Variants in DAB1 observed in about 807,000 individuals in gnomAD.
DAB1 encodes the protein DAB adaptor protein 1.
DAB1 carries 15 observed loss-of-function variants against 64.6 expected under a neutral mutation model. The observed-to-expected ratio is 0.23, with a 90% CI of 0.16 to 0.36. DAB1 has a LOEUF of 0.36. DAB1 is among the 10% of genes least tolerant of loss of function. The pLI is 1.00. For synonymous variants in DAB1, 235 were observed against 251.9 expected, an observed-to-expected ratio of 0.93 and a Z score of 0.64; for missense variants, 596 against 706.7, an observed-to-expected ratio of 0.84 and a Z score of 1.78.
intron 3 of DAB1, among the ~76,000 whole-genome samples, chr1:58,377,811 G>A (rs1286057769): frequency 7.2e-6 from 1 of 139,488 alleles, no homozygotes; most frequent in East Asian, 2.0e-4. Context: ...TCACTTTCAG[G>A]TACACCAATC....
At chr1:57,081,505 T>C (rs1652555577) in intron 4 of DAB1, among the ~76,000 whole-genome samples, 2 of 152,242 alleles carry the variant, frequency 1.3e-5, no homozygotes, top group Non-Finnish European at 1.5e-5. Flanking sequence ...TCAAGCTTTA[T>C]GATGTCATCT....
At chr1:58,338,477 G>A (rs956444035) in intron 4 of DAB1, among the ~76,000 whole-genome samples, 6 of 152,124 alleles carry the variant, frequency 3.9e-5, no homozygotes, top group African/African-American at 1.4e-4. Flanking sequence ...AAAGGTTTTG[G>A]TTCCCTATTA....
At chr1:57,297,316 T>G (rs1479167261) in intron 1 of DAB1, among the ~76,000 whole-genome samples, 1 of 152,166 alleles carries the variant, frequency 6.6e-6, no homozygotes, top group Non-Finnish European at 1.5e-5. Flanking sequence ...TGAATATGAA[T>G]GGTAAGTTAG....
intron 2 of DAB1, among the ~76,000 whole-genome samples, chr1:57,191,268 C>T (rs1476245994): frequency 6.6e-6 from 1 of 152,152 alleles, no homozygotes; most frequent in Non-Finnish European, 1.5e-5. Flanking sequence ...GTTTCTTCCT[C>T]TGAGATATGG....
intron 4 of DAB1, among the ~76,000 whole-genome samples, chr1:58,162,853 A>G (rs547700058): frequency 6.6e-6 from 1 of 152,320 alleles, no homozygotes; most frequent in Admixed American, 6.5e-5. Context: ...AAGTATGTCT[A>G]TACCTAGACT....
chr1:57,976,898 C>G (rs1036766657), intron 5 of DAB1, among the ~76,000 whole-genome samples: 2 of 152,120 alleles, frequency 1.3e-5, no homozygotes, highest in Non-Finnish European at 2.9e-5. Context: ...TCTCCATTAC[C>G]ACTGCCACTG....
At chr1:57,532,461 C>A (rs567018424) in intron 7 of DAB1, among the ~76,000 whole-genome samples, 5 of 152,262 alleles carry the variant, frequency 3.3e-5, no homozygotes, top group African/African-American at 1.2e-4. Context: ...TTTGGTTTAT[C>A]TTTCCCATTT....
intron 9 of DAB1, among the ~76,000 whole-genome samples, chr1:57,048,288 T>C (rs1283085395): frequency 6.6e-6 from 1 of 152,222 alleles, no homozygotes; most frequent in African/African-American, 2.4e-5. Context: ...CAAAAGTAAT[T>C]ACATCTCTTC....
At chr1:57,710,300 G>A (rs1647012850) in intron 6 of DAB1, among the ~76,000 whole-genome samples, 1 of 152,070 alleles carries the variant, frequency 6.6e-6, no homozygotes, top group African/African-American at 2.4e-5. Context: ...TGGTGTCTCA[G>A]GGTCAATTTT....
At chr1:57,290,849 A>G (rs1245045772) in intron 2 of DAB1, 115 bp downstream of exon 2, 1 of 581,776 alleles carries the variant, frequency 1.7e-6, no homozygotes, top group Non-Finnish European at 2.9e-6. Flanking sequence ...ACACAAAATA[A>G]CTATTTAAAA....
intron 7 of DAB1, among the ~76,000 whole-genome samples, chr1:57,632,014 T>C (rs1645995838): frequency 6.6e-6 from 1 of 152,174 alleles, no homozygotes; most frequent in African/African-American, 2.4e-5. Flanking sequence ...ACAACAAATA[T>C]TCCATTGTAG....
chr1:57,537,637 A>G (rs1324931174), intron 7 of DAB1, among the ~76,000 whole-genome samples: 1 of 152,182 alleles, frequency 6.6e-6, no homozygotes, highest in East Asian at 1.9e-4. Flanking sequence ...CCCAGTGCTT[A>G]TCATATGCAT....
chr1:57,114,944 A>G (rs1398328952), intron 4 of DAB1, among the ~76,000 whole-genome samples: 7 of 152,070 alleles, frequency 4.6e-5, no homozygotes, highest in Middle Eastern at 3.4e-3. Flanking sequence ...CTCTATCTGT[A>G]GAGATAATAA....
intron 5 of DAB1, among the ~76,000 whole-genome samples, chr1:58,006,544 G>GTCC (rs1194052759): frequency 2.0e-5 from 3 of 152,130 alleles, no homozygotes; most frequent in African/African-American, 4.8e-5. Flanking sequence ...AAGGCATGAG[G>GTCC]TCCTGTCTTT....
At chr1:58,181,410 G>A (rs1215514947) in intron 4 of DAB1, among the ~76,000 whole-genome samples, 5 of 152,018 alleles carry the variant, frequency 3.3e-5, no homozygotes, top group Non-Finnish European at 2.9e-5. Flanking sequence ...TCTGCTTTTT[G>A]ATAGAAGCAG....
intron 1 of DAB1, among the ~76,000 whole-genome samples, chr1:57,346,025 C>CGA (rs1461253601): frequency 3.3e-5 from 5 of 152,130 alleles, no homozygotes; most frequent in Non-Finnish European, 7.3e-5. Context: ...ACCCTGAGAT[C>CGA]GAGAGAAGAA....
chr1:57,302,951 T>C (rs1369928926), intron 1 of DAB1, among the ~76,000 whole-genome samples: 2 of 152,198 alleles, frequency 1.3e-5, no homozygotes, highest in Non-Finnish European at 2.9e-5. Context: ...ACTGAATACA[T>C]GCCACATCTA....
chr1:57,341,616 G>T (rs971885882), intron 1 of DAB1, among the ~76,000 whole-genome samples: 6 of 152,138 alleles, frequency 3.9e-5, no homozygotes, highest in African/African-American at 1.4e-4. Context: ...AACAGAGAGA[G>T]AAAACTCTTT....
At chr1:58,447,720 G>A (rs1645085028) in intron 3 of DAB1, among the ~76,000 whole-genome samples, 1 of 152,186 alleles carries the variant, frequency 6.6e-6, no homozygotes, top group Non-Finnish European at 1.5e-5. Context: ...CTTTCTTGAG[G>A]AGGTGACATT....
Sources: gnomAD v4.1 joint callset for allele counts (sites outside exome capture counted in the v4.1 genomes callset) on GRCh38, gnomAD v4.1.1 for gene constraint, MANE v1.5 for transcripts, NCBI Gene and HGNC (gene_info 2026-07-23, HGNC 2026-07-21) for gene names.